RASA1: variants seen among roughly 807,000 people sequenced by gnomAD.
RASA1 encodes ras GTPase-activating protein 1.
In RASA1, 25 loss-of-function variants were observed where a neutral mutation model predicts 132.2. The ratio of observed to expected loss-of-function variants is 0.19; its 90% CI spans 0.14 to 0.26. RASA1 has a LOEUF of 0.26. RASA1 is among the 10% of genes least tolerant of loss of function. RASA1 has a pLI of 1.00. For missense variants in RASA1, 964 were observed against 1,299.2 expected (o/e 0.74, Z 3.97); for synonymous variants, 477 against 449.9 (o/e 1.06, Z -0.76).
intron 6 of RASA1, among the ~76,000 whole-genome samples, chr5:87,342,624 C>T (rs903407383): frequency 6.6e-6 from 1 of 152,138 alleles, no homozygotes; most frequent in Admixed American, 6.5e-5. Flanking sequence ...TGTGTCCCTA[C>T]TGTCAAAAAA....
chr5:87,387,344 C>A (rs1014402340), intron 23 of RASA1, among the ~76,000 whole-genome samples: 1 of 152,072 alleles, frequency 6.6e-6, no homozygotes, highest in African/African-American at 2.4e-5. Context: ...GACGTGGATT[C>A]GGTGTTACAC....
chr5:87,295,310 T>G (rs1480814779), intron 1 of RASA1, among the ~76,000 whole-genome samples: 2 of 152,070 alleles, frequency 1.3e-5, no homozygotes, highest in Non-Finnish European at 2.9e-5. Flanking sequence ...TTAACTGGTA[T>G]ATTAGACTTG....
intron 1 of RASA1, 145 bp downstream of exon 1, chr5:87,269,135 A>T (rs1036953170): frequency 6.8e-5 from 109 of 1,613,268 alleles, no homozygotes; most frequent in Non-Finnish European, 5.2e-5. Flanking sequence ...GTAGGAATTT[A>T]ATCTGATCAC....
At position 87,390,921 on chromosome 5, in the gene RASA1, T is replaced by C. The variant is rs771831847; in HGVS notation, c.*38T>C. On this transcript the variant is annotated 3_prime_UTR_variant, in exon 25 of 25. Transcript: ENST00000274376. Reference sequence around the variant, plus strand: ...CAGTGTTCTGCATGGATTCAGCATGTCCAACATGGTAATTCACTTCAGTTT... The same window carrying C: ...CAGTGTTCTGCATGGATTCAGCATGCCCAACATGGTAATTCACTTCAGTTT... 3.9e-6 allele frequency: 6 copies of C among 1,547,422 alleles called. No individual in the cohort carries two copies. Among genetic ancestry groups the C allele is most frequent in the Non-Finnish European group, 5.4e-6 (6 of 1,119,748 alleles).
intron 6 of RASA1, among the ~76,000 whole-genome samples, chr5:87,346,449 T>G (rs952433553): frequency 2.6e-5 from 4 of 151,874 alleles, no homozygotes; most frequent in African/African-American, 9.7e-5. Flanking sequence ...GTAATGAAAA[T>G]TGTAGTTTAT....
In RASA1 at chr5:87,380,592, T is replaced by C. The variant is rs1283726095; in HGVS notation, c.2687T>C (p.Val896Ala). ...AATACCACCATGAGAACAAGAGTTG[T>C]TAGGTAAGGCTCATCAATTGATTTG... Reference protein sequence around the residue: ...PTNTTMRTRVVSGFVFLRLIC... With the variant: ...PTNTTMRTRVASGFVFLRLIC... Residue 896 changes from valine (V) to alanine (A), a missense_variant, in exon 20 of 25, where the codon GTT (valine) becomes GCT (alanine). Coordinates refer to ENST00000274376, the MANE Select transcript of RASA1 (RefSeq NM_002890.3). 6.2e-7 allele frequency: 1 copy of C among 1,609,346 alleles called. No individual in the cohort carries two copies. The highest frequency in any genetic ancestry group is 8.5e-7 in the Non-Finnish European group (1 of 1,175,814).
At chr5:87,278,835 A>C (rs1302483713) in intron 1 of RASA1, among the ~76,000 whole-genome samples, 1 of 151,288 alleles carries the variant, frequency 6.6e-6, no homozygotes, top group African/African-American at 2.4e-5. Context: ...CACCACTAGA[A>C]TCTCTCATGC....
At chr5:87,302,757 C>T (rs1260557456) in intron 1 of RASA1, among the ~76,000 whole-genome samples, 2 of 150,550 alleles carry the variant, frequency 1.3e-5, no homozygotes, top group Non-Finnish European at 1.5e-5. Flanking sequence ...CTGCCTAATA[C>T]GCACACCACC....
Position 87,268,385 on chromosome 5 carries a change from G to C in RASA1, c.-67G>C, listed in dbSNP as rs899734380. The stretch of plus-strand genomic sequence containing the variant: ...ACGCGTCTGGGTGGGGCTGCTCGGA[G>C]CCCGGGCCTGGTGGCCCCTGGGGCT... On this transcript the variant is annotated 5_prime_UTR_variant, in exon 1 of 25. Transcript: ENST00000274376. The C allele has an allele frequency of 4.1e-6, 6 of 1,461,374 alleles. No homozygotes were observed. In the African/African-American group the frequency reaches 5.7e-5, roughly 14 times the overall value. 90.5% of individuals were successfully genotyped at this position (1,461,374 alleles called of 1,614,324 possible).
chr5:87,348,032 A>T (rs949704156), intron 7 of RASA1, among the ~76,000 whole-genome samples: 2 of 152,032 alleles, frequency 1.3e-5, no homozygotes, highest in African/African-American at 4.8e-5. Context: ...AAGCACTTGC[A>T]TGCACAGTCT....
At chr5:87,344,544 C>T (rs1171551258) in intron 6 of RASA1, among the ~76,000 whole-genome samples, 1 of 151,994 alleles carries the variant, frequency 6.6e-6, no homozygotes, top group East Asian at 1.9e-4. Flanking sequence ...TAGGTTCTTG[C>T]CATTGCCCAA....
chr5:87,344,758 A>G (rs7717820), intron 6 of RASA1, among the ~76,000 whole-genome samples: 4,815 of 147,540 alleles, frequency 0.033, 159 homozygotes, highest in African/African-American at 0.077. Flanking sequence ...GCCTCAAGTG[A>G]TCCTCCCACC....
chr5:87,298,147 C>T (rs968760527), intron 1 of RASA1, among the ~76,000 whole-genome samples: 1 of 152,038 alleles, frequency 6.6e-6, no homozygotes, highest in East Asian at 1.9e-4. Context: ...CGGTGGCTCA[C>T]ACCTGTAATC....
chr5:87,313,960 G>A (rs1165233514), intron 1 of RASA1, among the ~76,000 whole-genome samples: 1 of 151,994 alleles, frequency 6.6e-6, no homozygotes, highest in Non-Finnish European at 1.5e-5. Flanking sequence ...CTGAGGTCAG[G>A]AGTTTGAGAC....
intron 1 of RASA1, among the ~76,000 whole-genome samples, chr5:87,269,853 T>C (rs1753741322): frequency 6.6e-6 from 1 of 152,214 alleles, no homozygotes; most frequent in African/African-American, 2.4e-5. Context: ...GTGTTTATTC[T>C]TAAAGGTGGA....
chr5:87,302,498 G>A (rs1260014838), intron 1 of RASA1, among the ~76,000 whole-genome samples: 1 of 148,766 alleles, frequency 6.7e-6, no homozygotes, highest in Non-Finnish European at 1.5e-5. Flanking sequence ...ATTTCGCACT[G>A]TTGTTTTTTT....
At chr5:87,276,177 T>A (rs1027165543) in intron 1 of RASA1, among the ~76,000 whole-genome samples, 2 of 152,194 alleles carry the variant, frequency 1.3e-5, no homozygotes, top group African/African-American at 4.8e-5. Flanking sequence ...CAAATACTTA[T>A]GAGTTCTTCC....
chr5:87,357,181 G>A (rs1337367308), intron 9 of RASA1, among the ~76,000 whole-genome samples: 1 of 151,038 alleles, frequency 6.6e-6, no homozygotes, highest in African/African-American at 2.4e-5. Context: ...TTTTATTACC[G>A]CAGAGTAATT....
chr5:87,292,286 T>C (rs1029585946), intron 1 of RASA1, among the ~76,000 whole-genome samples: 7 of 152,104 alleles, frequency 4.6e-5, no homozygotes, highest in African/African-American at 1.7e-4. Flanking sequence ...TCTAGGAGTT[T>C]TATAGTTTTG....
Sources: gnomAD v4.1 joint callset for allele counts (sites outside exome capture counted in the v4.1 genomes callset) on GRCh38, gnomAD v4.1.1 for gene constraint, MANE v1.5 for transcripts, NCBI Gene and HGNC (gene_info 2026-07-23, HGNC 2026-07-21) for gene names.